ERI3: variants seen among roughly 807,000 people sequenced by gnomAD.
ERI3 encodes ERI1 exoribonuclease family member 3.
A neutral mutation model predicts 44.4 loss-of-function variants in ERI3; 18 were observed. The ratio of observed to expected loss-of-function variants is 0.41; its 90% confidence interval spans 0.28 to 0.60. The LOEUF (loss-of-function observed/expected upper bound fraction) is 0.60, where lower values mean the gene tolerates loss of function less well. Ranked by LOEUF, ERI3 falls within the 20% of genes least tolerant of loss-of-function variation. ERI3 has a pLI of 0.36. For missense variants in ERI3, 294 were observed against 435.5 expected, an observed-to-expected ratio of 0.68 and a Z score of 2.89; for synonymous variants, 183 against 164.8, an observed-to-expected ratio of 1.11 and a Z score of -0.84.
Position 44,355,038 on chromosome 1 carries a change from C to T in ERI3, c.-12G>A. On this transcript the variant is annotated 5_prime_UTR_variant, in exon 1 of 9. Coordinates refer to ENST00000372257, the MANE Select transcript of ERI3 (RefSeq NM_024066.3). ...GAGGCTGTCGCCATGGCAACGCCCC[C>T]TCCTCGGGGCCAGCGCGGCAGGCTC... is the stretch of plus-strand genomic sequence containing the variant. 2 of 1,377,748 alleles carry T rather than the reference C, an allele frequency of 1.5e-6. No homozygotes were observed. Among genetic ancestry groups the T allele is most frequent in the South Asian group, 2.0e-5 (1 of 50,392 alleles). 85.3% of individuals were successfully genotyped at this position (1,377,748 alleles called of 1,614,324 possible). A position where few individuals can be genotyped will look rare whatever the true frequency, so the allele number is the denominator to read the frequency against.
At position 44,289,244 on chromosome 1, in the gene ERI3, C is replaced by T. The variant is rs114292536; in HGVS notation, c.759-4337G>A. Among the ~76,000 whole-genome samples the T allele has an allele frequency of 3.8e-3, 580 of 152,272 alleles. 5 individuals are homozygous for T. Among genetic ancestry groups the T allele is most frequent in the African/African-American group, 0.013 (557 of 41,536 alleles). On this transcript the variant is annotated intron_variant, in intron 6 of 8. Coordinates refer to ENST00000372257, the MANE Select transcript of ERI3 (RefSeq NM_024066.3). Reference sequence around the variant, plus strand: ...TTCAGCTTCATGAATGCAAGAGGCCCCTTTAAGGAAGGGTCCCCCAGTCCT... The same window carrying T: ...TTCAGCTTCATGAATGCAAGAGGCCTCTTTAAGGAAGGGTCCCCCAGTCCT...
At chr1:44,245,764 T>G (rs1160515789) in intron 8 of ERI3, among the ~76,000 whole-genome samples, 1 of 152,116 alleles carries the variant, frequency 6.6e-6, no homozygotes, top group Non-Finnish European at 1.5e-5. Flanking sequence ...GAGGAACCCC[T>G]TCTCACACAC....
intron 6 of ERI3, among the ~76,000 whole-genome samples, chr1:44,307,929 A>G (rs1645874442): frequency 6.6e-6 from 1 of 152,238 alleles, no homozygotes; most frequent in Admixed American, 6.5e-5. Flanking sequence ...CCTACTTTAT[A>G]TGGTTGACAA....
At chr1:44,266,364 C>G (rs1572148765) in intron 7 of ERI3, among the ~76,000 whole-genome samples, 1 of 152,324 alleles carries the variant, frequency 6.6e-6, no homozygotes, top group African/African-American at 2.4e-5. Context: ...TATCTTGACA[C>G]AGCTCAAAGG....
Position 44,338,607 on chromosome 1 carries a change from A to G in ERI3, c.489+438T>C, listed in dbSNP as rs761425698. Among the ~76,000 whole-genome samples, 15 of 152,310 alleles carry G rather than the reference A, an allele frequency of 9.8e-5. No homozygotes were observed. In the South Asian group the frequency reaches 2.3e-3, roughly 23 times the overall value. ...AGTCGTACATTATCTCTTCCACTGT[A>G]TTCTATTAGCTATACAGGAATATCT... On this transcript the variant is annotated intron_variant, in intron 3 of 8. Coordinates refer to ENST00000372257, the MANE Select transcript of ERI3 (RefSeq NM_024066.3).
intron 8 of ERI3, among the ~76,000 whole-genome samples, chr1:44,233,656 CATT>C (rs2154316321): frequency 6.6e-6 from 1 of 152,272 alleles, no homozygotes; most frequent in African/African-American, 2.4e-5. Flanking sequence ...AGGGTCCACA[CATT>C]ATTGAGTACT....
At chr1:44,265,531 C>A (rs1051670948) in intron 7 of ERI3, among the ~76,000 whole-genome samples, 1 of 151,982 alleles carries the variant, frequency 6.6e-6, no homozygotes, top group Non-Finnish European at 1.5e-5. Context: ...TCACAATGTA[C>A]TAGGAAAGAC....
At chr1:44,351,756 ACT>A (rs889168460) in intron 2 of ERI3, among the ~76,000 whole-genome samples, 10 of 151,358 alleles carry the variant, frequency 6.6e-5, no homozygotes, top group African/African-American at 2.4e-4. Flanking sequence ...ACCACTAAGT[ACT>A]CTGTTTCAGC....
intron 6 of ERI3, among the ~76,000 whole-genome samples, chr1:44,302,087 C>G (rs1271256984): frequency 6.6e-6 from 1 of 152,202 alleles, no homozygotes; most frequent in Non-Finnish European, 1.5e-5. Context: ...AATCAGAAGG[C>G]TGCCTGGCAG....
intron 8 of ERI3, chr1:44,244,082 A>G (rs961469611): frequency 3.3e-5 from 5 of 152,354 alleles, no homozygotes; most frequent in African/African-American, 1.2e-4. Flanking sequence ...TCCAAATAAT[A>G]TGAGTGCTTA....
At chr1:44,350,897 T>C (rs2154332412) in intron 2 of ERI3, among the ~76,000 whole-genome samples, 2 of 152,218 alleles carry the variant, frequency 1.3e-5, no homozygotes, top group East Asian at 3.9e-4. Flanking sequence ...TATACTCAAT[T>C]TTTAAGGACC....
At chr1:44,354,218 G>A (rs751797426) in intron 1 of ERI3, 488 of 985,276 alleles carry the variant, frequency 5.0e-4, no homozygotes, top group Non-Finnish European at 5.7e-4. Context: ...TCCGCTGGGA[G>A]ACTGATTAAA....
At chr1:44,226,098 G>C (rs1029612970) in intron 8 of ERI3, among the ~76,000 whole-genome samples, 3 of 152,122 alleles carry the variant, frequency 2.0e-5, no homozygotes, top group African/African-American at 7.2e-5. Flanking sequence ...GGGGGAGGGA[G>C]CTAGCCCACC....
intron 2 of ERI3, among the ~76,000 whole-genome samples, chr1:44,346,519 C>A (rs77119177): frequency 0.012 from 1,843 of 152,268 alleles, 69 homozygotes; most frequent in East Asian, 0.068. Flanking sequence ...TCATCACACA[C>A]GAGAAGGGGC....
At chr1:44,286,619 A>G (rs1048708070) in intron 6 of ERI3, among the ~76,000 whole-genome samples, 2 of 152,194 alleles carry the variant, frequency 1.3e-5, no homozygotes, top group Admixed American at 6.5e-5. Flanking sequence ...AAATGAAACC[A>G]GGTTACCCCC....
chr1:44,270,917 G>A (rs1403125607), intron 7 of ERI3, among the ~76,000 whole-genome samples: 1 of 152,236 alleles, frequency 6.6e-6, no homozygotes, highest in African/African-American at 2.4e-5. Flanking sequence ...CTAACACAGA[G>A]TGCCAGCATT....
At chr1:44,281,459 G>A (rs1236864505) in intron 7 of ERI3, among the ~76,000 whole-genome samples, 1 of 151,570 alleles carries the variant, frequency 6.6e-6, no homozygotes, top group East Asian at 1.9e-4. Flanking sequence ...ATAATGGTGG[G>A]CACTTGTAGT....
intron 7 of ERI3, 82 bp downstream of exon 7, chr1:44,284,753 A>G (rs373542601): frequency 3.0e-6 from 3 of 1,014,148 alleles, no homozygotes; most frequent in Non-Finnish European, 4.6e-6. Context: ...GAGAACAGAT[A>G]TAAGAAAAGA....
intron 8 of ERI3, among the ~76,000 whole-genome samples, chr1:44,234,061 ACACTC>A (rs1385065668): frequency 6.6e-6 from 1 of 151,906 alleles, no homozygotes; most frequent in Non-Finnish European, 1.5e-5. Context: ...GTTCCTTTGA[ACACTC>A]CCTTTCTTTT....
Sources: allele counts gnomAD v4.1 joint callset (sites outside exome capture counted in the v4.1 genomes callset), GRCh38; gene constraint gnomAD v4.1.1; transcripts MANE v1.5; gene names NCBI Gene and HGNC (gene_info 2026-07-23, HGNC 2026-07-21).